MYO3A: variants seen among roughly 807,000 people sequenced by gnomAD.
The protein encoded by MYO3A is myosin IIIA, also known as myosin-IIIa.
A neutral mutation model predicts 192.7 loss-of-function variants in MYO3A; 180 were observed. The ratio of observed to expected loss-of-function variants is 0.93; its 90% CI spans 0.83 to 1.06. The LOEUF (loss-of-function observed/expected upper bound fraction) is 1.06, where lower values mean the gene tolerates loss of function less well. Among genes scored for constraint, MYO3A ranks in the 50% least tolerant of loss-of-function variants. The probability of loss-of-function intolerance (pLI) is 0.00; values close to 1 mark genes in which losing one functional copy is unlikely to be tolerated. For synonymous variants in MYO3A, 628 were observed against 645.3 expected, an observed-to-expected ratio of 0.97 and a Z score of 0.41; for missense variants, 1,896 against 1,905.0, an observed-to-expected ratio of 1.00 and a Z score of 0.09.
At chr10:26,030,757 C>A (rs1842767275) in intron 10 of MYO3A, among the ~76,000 whole-genome samples, 1 of 152,082 alleles carries the variant, frequency 6.6e-6, no homozygotes, top group South Asian at 2.1e-4. Flanking sequence ...ATTAAAGATT[C>A]AGCTTTAAAG....
intron 14 of MYO3A, among the ~76,000 whole-genome samples, chr10:26,071,774 C>A (rs1486772123): frequency 6.6e-6 from 1 of 152,102 alleles, no homozygotes; most frequent in Non-Finnish European, 1.5e-5. Context: ...TGCTCAACAT[C>A]AGTATCATTT....
chr10:26,013,830 T>C (rs1398437928), intron 6 of MYO3A, among the ~76,000 whole-genome samples: 1 of 152,146 alleles, frequency 6.6e-6, no homozygotes, highest in Non-Finnish European at 1.5e-5. Flanking sequence ...CTTGTTTGTT[T>C]ATAGCAGCAC....
chr10:25,997,100 G>T (rs1207869675), intron 5 of MYO3A, 59 bp from the exon 6 acceptor site: 26 of 1,388,754 alleles, frequency 1.9e-5, no homozygotes, highest in Middle Eastern at 2.0e-4. Context: ...TACATCATCT[G>T]AAAATTTTTA....
chr10:25,941,185 C>G (rs1192235997), intron 2 of MYO3A, among the ~76,000 whole-genome samples: 2 of 152,184 alleles, frequency 1.3e-5, no homozygotes, highest in Non-Finnish European at 2.9e-5. Flanking sequence ...TAGCAAAAGA[C>G]TGTTGTCACT....
intron 34 of MYO3A, 73 bp from the exon 35 acceptor site, chr10:26,211,770 T>C: frequency 6.3e-7 from 1 of 1,581,112 alleles, no homozygotes; most frequent in Non-Finnish European, 8.6e-7. Flanking sequence ...AGGACCCGCC[T>C]AACTCGGGGT....
chr10:26,048,460 T>C (rs186278721), intron 10 of MYO3A, among the ~76,000 whole-genome samples: 4 of 152,174 alleles, frequency 2.6e-5, no homozygotes, highest in African/African-American at 9.6e-5. Context: ...ACAATGCCAG[T>C]CTTGGAACTA....
At chr10:26,061,214 C>T (rs752698128) in intron 10 of MYO3A, among the ~76,000 whole-genome samples, 3 of 152,196 alleles carry the variant, frequency 2.0e-5, no homozygotes, top group Non-Finnish European at 4.4e-5. Flanking sequence ...CAGGTGTGAG[C>T]CACCACGCCC....
At chr10:25,995,869 G>T (rs1380516507) in intron 4 of MYO3A, among the ~76,000 whole-genome samples, 2 of 152,230 alleles carry the variant, frequency 1.3e-5, no homozygotes, top group African/African-American at 2.4e-5. Context: ...TGGAGGTTTT[G>T]TCTCAGAGGG....
At chr10:26,176,917 C>A in intron 31 of MYO3A, 72 bp downstream of exon 31, 1 of 1,541,312 alleles carries the variant, frequency 6.5e-7, no homozygotes, top group Non-Finnish European at 9.0e-7. Flanking sequence ...TAGTTTCCCA[C>A]CATTATTCTA....
chr10:25,962,960 C>T (rs780656790), intron 4 of MYO3A, among the ~76,000 whole-genome samples: 1 of 152,162 alleles, frequency 6.6e-6, no homozygotes, highest in Non-Finnish European at 1.5e-5. Context: ...GCTTAGTGTG[C>T]CTTCAGCCAT....
intron 15 of MYO3A, among the ~76,000 whole-genome samples, chr10:26,094,488 G>A (rs957236401): frequency 2.2e-5 from 3 of 137,508 alleles, no homozygotes; most frequent in East Asian, 2.1e-4. Context: ...GCAGTGGCAC[G>A]ATTTCGGCTC....
chr10:26,181,788 C>A (rs12261472), intron 31 of MYO3A, among the ~76,000 whole-genome samples: 24,590 of 141,300 alleles, frequency 0.17, 2,160 homozygotes, highest in East Asian at 0.31. Flanking sequence ...AAAAAAAAAA[C>A]CCCACTGAAT....
At chr10:26,138,103 A>T (rs1044687964) in intron 20 of MYO3A, among the ~76,000 whole-genome samples, 1 of 152,050 alleles carries the variant, frequency 6.6e-6, no homozygotes, top group South Asian at 2.1e-4. Context: ...GAAGCATGTG[A>T]TCTTTGTGAC....
intron 15 of MYO3A, 54 bp downstream of exon 15, chr10:26,088,459 A>G: frequency 2.0e-6 from 3 of 1,489,990 alleles, no homozygotes; most frequent in Non-Finnish European, 2.8e-6. Context: ...CAAACATAAT[A>G]CTTTAATAGT....
At chr10:26,114,351 C>T (rs967446632) in intron 17 of MYO3A, among the ~76,000 whole-genome samples, 4 of 152,198 alleles carry the variant, frequency 2.6e-5, no homozygotes, top group Non-Finnish European at 5.9e-5. Flanking sequence ...GCCAAAACAA[C>T]TCTGTGCACC....
chr10:26,059,140 A>G (rs1834310638), intron 10 of MYO3A, among the ~76,000 whole-genome samples: 1 of 152,152 alleles, frequency 6.6e-6, no homozygotes, highest in Non-Finnish European at 1.5e-5. Context: ...GAACAAAGAT[A>G]GTTTTATTTC....
chr10:26,066,078 C>T lies in MYO3A; in HGVS notation c.954-897C>T, dbSNP rs535455080. 1.1e-3 allele frequency among the ~76,000 whole-genome samples: 45 copies of T among 39,430 alleles called. 6 individuals carry two copies. Among genetic ancestry groups the T allele is most frequent in the African/African-American group, 2.7e-3 (40 of 14,760 alleles). The allele number at this position is 39,430 out of a possible 152,430, so 25.9% of individuals were successfully genotyped here. ...CGGAGCTTGCAGTGAGTCGAGATCG[C>T]GCCACTGCACTCCAGCCTGGGCGAC... On this transcript the variant is annotated intron_variant, in intron 10 of 34. Transcript: ENST00000642920.
At chr10:25,936,173 G>A (rs1836049256) in intron 2 of MYO3A, among the ~76,000 whole-genome samples, 2 of 151,596 alleles carry the variant, frequency 1.3e-5, no homozygotes, top group Admixed American at 1.3e-4. Context: ...TTAAAATTTG[G>A]TCATGTCACA....
intron 17 of MYO3A, among the ~76,000 whole-genome samples, chr10:26,114,948 A>G (rs151022328): frequency 0.011 from 1,643 of 152,374 alleles, 11 homozygotes; most frequent in Non-Finnish European, 0.017. Flanking sequence ...AAAGAACAGC[A>G]TAAGCCAGAA....
Sources: gnomAD v4.1 joint callset for allele counts (sites outside exome capture counted in the v4.1 genomes callset) on GRCh38, gnomAD v4.1.1 for gene constraint, MANE v1.5 for transcripts, NCBI Gene and HGNC (gene_info 2026-07-23, HGNC 2026-07-21) for gene names.